Variants in KCTD21 observed in about 807,000 individuals in gnomAD.
KCTD21 encodes the protein BTB/POZ domain-containing protein KCTD21.
A neutral mutation model predicts 13.2 loss-of-function variants in KCTD21; 9 were observed. The ratio of observed to expected loss-of-function variants is 0.68; its 90% confidence interval spans 0.41 to 1.19. The LOEUF (loss-of-function observed/expected upper bound fraction) is 1.19. KCTD21 is among the 50% of genes most tolerant of loss of function. The pLI, the probability that KCTD21 is intolerant of heterozygous loss-of-function variation, is 0.01. For synonymous variants in KCTD21, 142 were observed against 137.4 expected (o/e 1.03, Z -0.23); for missense variants, 303 against 336.5 (o/e 0.90, Z 0.78).
In KCTD21 at chr11:78,172,056, T is replaced by G. The variant is rs1245174854; in HGVS notation, c.*1716A>C. ...AGCCCCTTTCTGGGCCCACCTCCCA[T>G]GGGTGCCTGTGTCACCAGGCTTCCT... is the stretch of plus-strand genomic sequence containing the variant. On this transcript the variant is annotated 3_prime_UTR_variant, in exon 2 of 2. Transcript: ENST00000340067. 1 of 152,354 alleles carries G rather than the reference T, an allele frequency of 6.6e-6. No homozygotes were observed. The highest frequency in any genetic ancestry group is 1.5e-5 in the Non-Finnish European group (1 of 68,120). 9.4% of individuals were successfully genotyped at this position (152,354 alleles called of 1,614,324 possible).
intron 1 of KCTD21, among the ~76,000 whole-genome samples, chr11:78,175,890 T>TC (rs1173789411): frequency 2.7e-5 from 4 of 147,452 alleles, no homozygotes; most frequent in Non-Finnish European, 3.0e-5. Context: ...CCCCTCCCCC[T>TC]ACCCCACAAC....
chr11:78,178,553 T>C (rs1862523221), intron 1 of KCTD21, among the ~76,000 whole-genome samples: 1 of 152,048 alleles, frequency 6.6e-6, no homozygotes, highest in African/African-American at 2.4e-5. Flanking sequence ...TGCAGTCAGG[T>C]AGTAATGAAC....
intron 1 of KCTD21, among the ~76,000 whole-genome samples, chr11:78,185,793 C>T (rs1049750835): frequency 9.9e-5 from 15 of 151,756 alleles, no homozygotes; most frequent in Non-Finnish European, 2.2e-4. Context: ...GGTTTCACCA[C>T]GTTGGCCAGG....
chr11:78,176,828 TACAACAACAACAACAACAACA>T (rs71473371), intron 1 of KCTD21: 1 of 148,308 alleles, frequency 6.7e-6, no homozygotes, highest in Admixed American at 6.8e-5. Context: ...ATCCTGTCTC[TACAACAACAACAACAACAACA>T]ACAACAACAA....
intron 1 of KCTD21, chr11:78,187,230 T>C: frequency 1.0e-6 from 1 of 985,374 alleles, no homozygotes; most frequent in Non-Finnish European, 1.2e-6. Flanking sequence ...AAGGACTCTT[T>C]GCCTTGAAGC....
chr11:78,186,753 T>C (rs1862786752), intron 1 of KCTD21: 2 of 985,508 alleles, frequency 2.0e-6, no homozygotes, highest in Non-Finnish European at 2.4e-6. Flanking sequence ...TGCCTGGACC[T>C]TGAAGACAAA....
intron 1 of KCTD21, among the ~76,000 whole-genome samples, chr11:78,185,351 T>C (rs1862737398): frequency 6.6e-6 from 1 of 152,210 alleles, no homozygotes; most frequent in Non-Finnish European, 1.5e-5. Flanking sequence ...CACTTCTTCA[T>C]AGGGCCAATA....
At chr11:78,175,130 C>T (rs1229034002) in intron 1 of KCTD21, 1 of 152,288 alleles carries the variant, frequency 6.6e-6, no homozygotes, top group Non-Finnish European at 1.5e-5. Flanking sequence ...CAAGATCAGA[C>T]TGGCCAACAT....
intron 1 of KCTD21, among the ~76,000 whole-genome samples, chr11:78,180,842 G>A (rs1263454559): frequency 1.3e-5 from 2 of 152,308 alleles, no homozygotes; most frequent in East Asian, 3.9e-4. Context: ...GTCAAGGGCA[G>A]GACTAGGTGG....
At position 78,178,131 on chromosome 11, in the gene KCTD21, C is replaced by CTT. The variant is rs11453841; in HGVS notation, c.-29-3550_-29-3549dup. 4.7e-4 allele frequency: 66 copies of CTT among 141,906 alleles called. 2 individuals carry two copies. Among genetic ancestry groups the CTT allele is most frequent in the Middle Eastern group, 3.7e-3 (1 of 268 alleles). The allele number at this position is 141,906 out of a possible 1,614,324, so 8.8% of individuals were successfully genotyped here. A position where few individuals can be genotyped will look rare whatever the true frequency, so the allele number is the denominator to read the frequency against. The stretch of plus-strand genomic sequence containing the variant: ...GCTCAGTCCTCTAAGCCCTTCTTTT[C>CTT]TTTTTTTTTTTTTGAGATGGAGTCT... On this transcript the variant is annotated intron_variant, in intron 1 of 1. Transcript: ENST00000340067.
chr11:78,177,711 C>T (rs1862495723), intron 1 of KCTD21: 2 of 152,332 alleles, frequency 1.3e-5, no homozygotes, highest in South Asian at 4.1e-4. Flanking sequence ...CATTGGGTTT[C>T]AGGCCTAGGA....
intron 1 of KCTD21, among the ~76,000 whole-genome samples, chr11:78,184,436 A>G (rs1377164842): frequency 1.3e-5 from 2 of 150,600 alleles, no homozygotes; most frequent in Non-Finnish European, 3.0e-5. Context: ...TCCTGAGTTC[A>G]AGCAATTCTC....
intron 1 of KCTD21, chr11:78,188,214 A>T: frequency 1.0e-6 from 1 of 981,830 alleles, no homozygotes; most frequent in Non-Finnish European, 1.2e-6. Context: ...CCAGCCCTAC[A>T]GCCCCCACTC....
Position 78,187,109 on chromosome 11 carries a change from G to T in KCTD21, c.-30+1464C>A, listed in dbSNP as rs554192593. ...TAAATGCAAGGAGAGTTTCCACTGC[G>T]TAAGGGAATGGACAGCACGTGGCTG... On this transcript the variant is annotated intron_variant, in intron 1 of 1. Coordinates refer to ENST00000340067, the MANE Select transcript of KCTD21 (RefSeq NM_001029859.3). 28 of 985,402 alleles carry T rather than the reference G, an allele frequency of 2.8e-5. No homozygotes were observed. The South Asian group carries it at 6.1e-4, about 21-fold the overall frequency. The allele number at this position is 985,402 out of a possible 1,614,324, so 61.0% of individuals were successfully genotyped here. A position where few individuals can be genotyped will look rare whatever the true frequency, so the allele number is the denominator to read the frequency against.
chr11:78,181,000 C>T (rs960823528), intron 1 of KCTD21, among the ~76,000 whole-genome samples: 5 of 152,130 alleles, frequency 3.3e-5, no homozygotes, highest in African/African-American at 1.2e-4. Flanking sequence ...GTTTGCTTCC[C>T]CTTCCACCAT....
At position 78,174,241 on chromosome 11, in the gene KCTD21, T is replaced by A. The variant is rs780774085; in HGVS notation, c.314A>T (p.Lys105Met). ...GTTGAGCATGGCATTCTTCTCGGCCTTGGAGAGCTCCACTTCCTTCTCCTG... is the reference window on the plus strand; with the variant it reads ...GTTGAGCATGGCATTCTTCTCGGCCATGGAGAGCTCCACTTCCTTCTCCTG... The part of the protein sequence containing the change: ...ALQEKEVELS[K>M]AEKNAMLNIT... The change falls in exon 2 of 2, where the codon AAG becomes ATG. Residue 105 changes from lysine to methionine, a missense_variant. Coordinates refer to ENST00000340067, the MANE Select transcript of KCTD21 (RefSeq NM_001029859.3). 6.2e-7 allele frequency: 1 copy of A among 1,614,044 alleles called. No individual in the cohort carries two copies.
chr11:78,183,979 G>C (rs1211425112), intron 1 of KCTD21, among the ~76,000 whole-genome samples: 2 of 152,178 alleles, frequency 1.3e-5, no homozygotes, highest in Non-Finnish European at 2.9e-5. Context: ...AAACACAGAA[G>C]GAATGGCAGA....
At chr11:78,175,740 A>G (rs1862434569) in intron 1 of KCTD21, among the ~76,000 whole-genome samples, 1 of 151,938 alleles carries the variant, frequency 6.6e-6, no homozygotes, top group Non-Finnish European at 1.5e-5. Context: ...AATTTTTTTA[A>G]ATTTTATTAT....
chr11:78,173,679 T>A lies in KCTD21; in HGVS notation c.*93A>T. The A allele has an allele frequency of 2.0e-6, 2 of 994,620 alleles. No homozygotes were observed. Among genetic ancestry groups the A allele is most frequent in the East Asian group, 4.8e-5 (2 of 41,978 alleles). The allele number at this position is 994,620 out of a possible 1,614,324, so 61.6% of individuals were successfully genotyped here. On this transcript the variant is annotated 3_prime_UTR_variant, in exon 2 of 2. Transcript: ENST00000340067. ...ACACAATTAATACAGATTAGTATAG[T>A]CCCCTGCCTCGCACCACTGGCGAGA... is the stretch of plus-strand genomic sequence containing the variant.
Sources: gnomAD v4.1 joint callset for allele counts (sites outside exome capture counted in the v4.1 genomes callset) on GRCh38, gnomAD v4.1.1 for gene constraint, MANE v1.5 for transcripts, NCBI Gene and HGNC (gene_info 2026-07-23, HGNC 2026-07-21) for gene names.